Variants in ULK4 observed in about 807,000 individuals in gnomAD.
ULK4 encodes unc-51 like kinase 4.
A neutral mutation model predicts 160.6 loss-of-function variants in ULK4; 133 were observed. The observed-to-expected ratio is 0.83, with a 90% CI of 0.72 to 0.96. The LOEUF (loss-of-function observed/expected upper bound fraction) is 0.96, where lower values mean the gene tolerates loss of function less well. Ranked by LOEUF, ULK4 falls within the 40% of genes least tolerant of loss-of-function variation. The pLI is 0.00. For synonymous variants in ULK4, 534 were observed against 539.8 expected, an observed-to-expected ratio of 0.99 and a Z score of 0.15; for missense variants, 1,580 against 1,499.5, an observed-to-expected ratio of 1.05 and a Z score of -0.89.
At chr3:41,277,984 G>C (rs1218341685) in intron 35 of ULK4, 2 of 152,272 alleles carry the variant, frequency 1.3e-5, no homozygotes, top group African/African-American at 4.8e-5. Flanking sequence ...GAAGCAGGGC[G>C]GGGTGTCGCC....
At chr3:41,883,761 A>T in intron 17 of ULK4, 113 bp downstream of exon 17, 1 of 878,514 alleles carries the variant, frequency 1.1e-6, no homozygotes, top group South Asian at 1.4e-5. Flanking sequence ...CGATTGCCAC[A>T]ATCCCACAGA....
intron 32 of ULK4, among the ~76,000 whole-genome samples, chr3:41,491,993 G>C (rs954713534): frequency 1.2e-4 from 18 of 148,224 alleles, no homozygotes; most frequent in African/African-American, 4.2e-4. Context: ...TTGGTTTTTT[G>C]TCTTTGCAAT....
At chr3:41,635,979 C>A (rs2125709258) in intron 30 of ULK4, among the ~76,000 whole-genome samples, 1 of 152,308 alleles carries the variant, frequency 6.6e-6, no homozygotes, top group East Asian at 1.9e-4. Context: ...CTAGTCCTCC[C>A]TGGATGGTCC....
intron 31 of ULK4, among the ~76,000 whole-genome samples, chr3:41,570,160 C>T (rs2087921687): frequency 6.6e-6 from 1 of 152,230 alleles, no homozygotes; most frequent in Admixed American, 6.5e-5. Context: ...GTACCTCCCA[C>T]TGATGAGAGC....
intron 35 of ULK4, among the ~76,000 whole-genome samples, chr3:41,284,999 T>C (rs371066393): frequency 5.9e-5 from 9 of 152,060 alleles, no homozygotes; most frequent in East Asian, 3.9e-4. Flanking sequence ...ATGTTTGACA[T>C]CACTAATGAT....
At chr3:41,434,425 T>C (rs1043652592) in intron 34 of ULK4, among the ~76,000 whole-genome samples, 1 of 152,232 alleles carries the variant, frequency 6.6e-6, no homozygotes, top group African/African-American at 2.4e-5. Context: ...GGGGCATATA[T>C]ACATTTATTT....
intron 32 of ULK4, among the ~76,000 whole-genome samples, chr3:41,477,545 G>A (rs913251482): frequency 6.6e-5 from 10 of 152,178 alleles, no homozygotes; most frequent in Non-Finnish European, 1.3e-4. Context: ...TGGAAAAGAA[G>A]TATAAAAGCA....
intron 31 of ULK4, among the ~76,000 whole-genome samples, chr3:41,583,172 G>C (rs1332996823): frequency 6.6e-6 from 1 of 152,144 alleles, no homozygotes; most frequent in African/African-American, 2.4e-5. Context: ...CTGCGGTGTG[G>C]CAGGAAGCCT....
intron 21 of ULK4, among the ~76,000 whole-genome samples, chr3:41,789,433 A>C (rs186228334): frequency 6.6e-6 from 1 of 152,314 alleles, no homozygotes; most frequent in African/African-American, 2.4e-5. Context: ...ACATTACTGA[A>C]ATGGGACAAG....
intron 35 of ULK4, among the ~76,000 whole-genome samples, chr3:41,375,237 C>G (rs1227055984): frequency 6.6e-6 from 1 of 152,072 alleles, no homozygotes; most frequent in Non-Finnish European, 1.5e-5. Context: ...CAATGCGATT[C>G]CCATCAAACT....
chr3:41,506,779 T>C (rs375151179), intron 32 of ULK4, among the ~76,000 whole-genome samples: 10 of 18,292 alleles, frequency 5.5e-4, no homozygotes, highest in African/African-American at 1.3e-3. Flanking sequence ...TATATATATA[T>C]ATATATATAT....
intron 34 of ULK4, among the ~76,000 whole-genome samples, chr3:41,441,810 G>T (rs758351728): frequency 6.6e-6 from 1 of 152,072 alleles, no homozygotes; most frequent in African/African-American, 2.4e-5. Flanking sequence ...TATTTAAGCT[G>T]CATATTTGTC....
At chr3:41,472,412 T>C (rs1161881456) in intron 32 of ULK4, among the ~76,000 whole-genome samples, 1 of 151,516 alleles carries the variant, frequency 6.6e-6, no homozygotes, top group Non-Finnish European at 1.5e-5. Context: ...CTAATAAAAA[T>C]ACAAAAATTA....
intron 17 of ULK4, among the ~76,000 whole-genome samples, chr3:41,838,772 A>G (rs77633793): frequency 0.074 from 11,258 of 152,264 alleles, 1,318 homozygotes; most frequent in African/African-American, 0.25. Context: ...TGGACGATAA[A>G]CAGACATCCA....
chr3:41,438,305 A>G (rs2083081950), intron 34 of ULK4, among the ~76,000 whole-genome samples: 2 of 152,070 alleles, frequency 1.3e-5, no homozygotes, highest in Admixed American at 1.3e-4. Context: ...AGATTTTGGC[A>G]CTTAGTACAT....
chr3:41,499,442 T>C (rs1443485789), intron 32 of ULK4, among the ~76,000 whole-genome samples: 1 of 152,192 alleles, frequency 6.6e-6, no homozygotes, highest in East Asian at 1.9e-4. Flanking sequence ...CCTGGCAAAG[T>C]GGCAGCTTCT....
At chr3:41,451,843 A>G (rs901681418) in intron 34 of ULK4, among the ~76,000 whole-genome samples, 2 of 152,174 alleles carry the variant, frequency 1.3e-5, no homozygotes, top group African/African-American at 4.8e-5. Context: ...ATTCAATGTA[A>G]TATCAAGGAA....
chr3:41,746,293 A>AC lies in ULK4; in HGVS notation c.2321+8067_2321+8068insG, dbSNP rs1329064285. ...CCCACAAAAAAAAAAAAAAAAAAAA[A>AC]AAACCACCTACAACTGATAAATGAG... On this transcript the variant is annotated intron_variant, in intron 22 of 36. Coordinates refer to ENST00000301831, the MANE Select transcript of ULK4 (RefSeq NM_017886.4). Among the ~76,000 whole-genome samples the AC allele has an allele frequency of 2.1e-5, 3 of 143,328 alleles. 1 individual carries two copies. The highest frequency in any genetic ancestry group is 7.7e-5 in the African/African-American group (3 of 38,854). 94.0% of individuals were successfully genotyped at this position (143,328 alleles called of 152,430 possible). A position where few individuals can be genotyped will look rare whatever the true frequency, so the allele number is the denominator to read the frequency against.
At chr3:41,354,671 G>T (rs79850532) in intron 35 of ULK4, among the ~76,000 whole-genome samples, 1 of 152,168 alleles carries the variant, frequency 6.6e-6, no homozygotes, top group African/African-American at 2.4e-5. Context: ...GGTTACAAAA[G>T]TGTCCTGGAA....
Sources: gnomAD v4.1 joint callset for allele counts (sites outside exome capture counted in the v4.1 genomes callset) on GRCh38, gnomAD v4.1.1 for gene constraint, MANE v1.5 for transcripts, NCBI Gene and HGNC (gene_info 2026-07-23, HGNC 2026-07-21) for gene names.